KANSL1: variants seen among roughly 807,000 people sequenced by gnomAD.
KANSL1 encodes the protein KAT8 regulatory NSL complex subunit 1.
In KANSL1, 22 loss-of-function variants were observed where a neutral mutation model predicts 103.6. That is an observed-to-expected ratio of 0.21 (90% confidence interval 0.15 to 0.30). KANSL1 has a LOEUF of 0.30. KANSL1 is among the 10% of genes least tolerant of loss of function. KANSL1 has a pLI of 1.00. For missense variants in KANSL1, 1,337 were observed against 1,399.8 expected, an observed-to-expected ratio of 0.96 and a Z score of 0.72; for synonymous variants, 600 against 527.6, an observed-to-expected ratio of 1.14 and a Z score of -1.88.
At chr17:46,150,943 A>C (rs74852226) in intron 2 of KANSL1, among the ~76,000 whole-genome samples, 16 of 151,324 alleles carry the variant, frequency 1.1e-4, no homozygotes, top group South Asian at 4.1e-4. Flanking sequence ...AAAAAAAAAA[A>C]AACACGAGTA....
chr17:46,222,038 C>T (rs2048547058), intron 1 of KANSL1: 1 of 146,862 alleles, frequency 6.8e-6, no homozygotes, highest in Non-Finnish European at 1.6e-5. Flanking sequence ...AAAACATTAC[C>T]CCCCAAAATT....
intron 1 of KANSL1, among the ~76,000 whole-genome samples, chr17:46,175,088 G>C (rs1402399844): frequency 6.6e-6 from 1 of 152,150 alleles, no homozygotes; most frequent in Non-Finnish European, 1.5e-5. Context: ...ACTGGACTAA[G>C]CACCCCCCTC....
At chr17:46,070,729 G>A (rs972527764) in intron 4 of KANSL1, among the ~76,000 whole-genome samples, 3 of 151,958 alleles carry the variant, frequency 2.0e-5, no homozygotes, top group Non-Finnish European at 2.9e-5. Context: ...TTATGGCAGT[G>A]ATTTGATTTA....
chr17:46,037,919 G>A (rs2077196059), intron 10 of KANSL1: 1 of 152,288 alleles, frequency 6.6e-6, no homozygotes, highest in Admixed American at 6.5e-5. Flanking sequence ...GCTTCCAGAT[G>A]GAGTGTGGTA....
intron 2 of KANSL1, among the ~76,000 whole-genome samples, chr17:46,099,380 T>A (rs373085558): frequency 3.2e-4 from 49 of 152,014 alleles, no homozygotes; most frequent in African/African-American, 1.2e-3. Flanking sequence ...AAACTCAGCT[T>A]ATCAGAGGTA....
At chr17:46,109,194 T>C (rs982703139) in intron 2 of KANSL1, among the ~76,000 whole-genome samples, 1 of 152,170 alleles carries the variant, frequency 6.6e-6, no homozygotes, top group Non-Finnish European at 1.5e-5. Context: ...GTGATTCTCC[T>C]GCCTCAGCCT....
chr17:46,096,875 C>T (rs1344279985), intron 2 of KANSL1, among the ~76,000 whole-genome samples: 1 of 152,188 alleles, frequency 6.6e-6, no homozygotes, highest in Non-Finnish European at 1.5e-5. Flanking sequence ...CCTCAGCCTC[C>T]CAAAGTGCTG....
chr17:46,186,804 C>G (rs59842175), intron 1 of KANSL1, among the ~76,000 whole-genome samples: 1 of 152,296 alleles, frequency 6.6e-6, no homozygotes, highest in African/African-American at 2.4e-5. Flanking sequence ...TCTCGGCTCA[C>G]TACAACCTCC....
chr17:46,201,196 G>GCCA (rs1228662916), intron 1 of KANSL1, among the ~76,000 whole-genome samples: 1 of 152,194 alleles, frequency 6.6e-6, no homozygotes, highest in African/African-American at 2.4e-5. Context: ...ACAGGCGTGA[G>GCCA]CCACCACGCC....
At chr17:46,076,182 G>A (rs2078760423) in intron 4 of KANSL1, among the ~76,000 whole-genome samples, 1 of 152,146 alleles carries the variant, frequency 6.6e-6, no homozygotes, top group Non-Finnish European at 1.5e-5. Flanking sequence ...CTCCAATTTG[G>A]TTCTTGTTTT....
At chr17:46,187,787 CTT>C (rs2047100496) in intron 1 of KANSL1, among the ~76,000 whole-genome samples, 1 of 152,226 alleles carries the variant, frequency 6.6e-6, no homozygotes, top group African/African-American at 2.4e-5. Context: ...TAAAGGGACT[CTT>C]TGCATAAAGG....
At chr17:46,121,204 C>G (rs1261281524) in intron 2 of KANSL1, 1 of 150,480 alleles carries the variant, frequency 6.6e-6, no homozygotes. Flanking sequence ...CTTCTGTCCA[C>G]AAACTAATCA....
intron 2 of KANSL1, among the ~76,000 whole-genome samples, chr17:46,151,831 C>T (rs1343574544): frequency 6.6e-6 from 1 of 152,200 alleles, no homozygotes; most frequent in African/African-American, 2.4e-5. Flanking sequence ...ATCATTAATA[C>T]CCATGTTTCT....
Position 46,222,057 on chromosome 17 carries a change from C to A in KANSL1, c.-90+1614G>T. 2 of 146,508 alleles carry A rather than the reference C, an allele frequency of 1.4e-5. 1 individual carries two copies. The highest frequency in any genetic ancestry group is 3.1e-5 in the Non-Finnish European group (2 of 64,382). The allele number at this position is 146,508 out of a possible 1,614,324, so 9.1% of individuals were successfully genotyped here. On this transcript the variant is annotated intron_variant, in intron 1 of 14. Transcript: ENST00000572904. ...CATTACCCCCCAAAATTGGTTTACACTTAGAAGATGTTTCCCACTGAGCAA... is the reference window on the plus strand; with the variant it reads ...CATTACCCCCCAAAATTGGTTTACAATTAGAAGATGTTTCCCACTGAGCAA...
chr17:46,093,563 T>C (rs750500210), intron 3 of KANSL1: 1 of 152,658 alleles, frequency 6.6e-6, no homozygotes, highest in Non-Finnish European at 1.5e-5. Context: ...AAAGTTTAAA[T>C]GATTAGATAG....
intron 2 of KANSL1, among the ~76,000 whole-genome samples, chr17:46,125,216 A>T (rs1259086298): frequency 1.3e-5 from 2 of 152,290 alleles, no homozygotes; most frequent in East Asian, 3.9e-4. Context: ...CACCAGCAAA[A>T]AAGATTATGA....
chr17:46,224,045 TCAAA>T (rs1419754999), upstream of KANSL1, among the ~76,000 whole-genome samples: 6 of 152,020 alleles, frequency 3.9e-5, no homozygotes, highest in Non-Finnish European at 8.8e-5. Flanking sequence ...AAATTGCTTA[TCAAA>T]CAATTAGCCA....
chr17:46,080,039 A>G (rs950395626), intron 4 of KANSL1, among the ~76,000 whole-genome samples: 2 of 151,876 alleles, frequency 1.3e-5, no homozygotes, highest in Non-Finnish European at 2.9e-5. Context: ...GAGAGAGAGA[A>G]AGAAAAAGAA....
At chr17:46,130,371 A>T (rs1379682460) in intron 2 of KANSL1, among the ~76,000 whole-genome samples, 2 of 152,158 alleles carry the variant, frequency 1.3e-5, no homozygotes, top group Non-Finnish European at 2.9e-5. Flanking sequence ...TTACAGCAAT[A>T]AAGTTTAAAG....
Sources: gnomAD v4.1 joint callset for allele counts (sites outside exome capture counted in the v4.1 genomes callset) on GRCh38, gnomAD v4.1.1 for gene constraint, MANE v1.5 for transcripts, NCBI Gene and HGNC (gene_info 2026-07-23, HGNC 2026-07-21) for gene names.